ZNF521: variants seen among roughly 807,000 people sequenced by gnomAD.
ZNF521 encodes LYST-interacting protein 3.
A neutral mutation model predicts 105.5 loss-of-function variants in ZNF521; 14 were observed. The ratio of observed to expected loss-of-function variants is 0.13; its 90% CI spans 0.09 to 0.21. ZNF521 has a LOEUF of 0.21. Ranked by LOEUF, ZNF521 falls within the 10% of genes least tolerant of loss-of-function variation. The probability of loss-of-function intolerance (pLI) is 1.00; values close to 1 mark genes in which losing one functional copy is unlikely to be tolerated. For missense variants in ZNF521, 1,233 were observed against 1,629.7 expected (o/e 0.76, Z 4.19); for synonymous variants, 635 against 606.0 (o/e 1.05, Z -0.70).
At chr18:25,267,715 C>G (rs1180506757) in intron 3 of ZNF521, among the ~76,000 whole-genome samples, 1 of 152,132 alleles carries the variant, frequency 6.6e-6, no homozygotes, top group Non-Finnish European at 1.5e-5. Context: ...AACTAACAAA[C>G]AGAAAAGAAA....
At chr18:25,206,577 T>C (rs1425691072) in intron 4 of ZNF521, among the ~76,000 whole-genome samples, 1 of 152,200 alleles carries the variant, frequency 6.6e-6, no homozygotes, top group African/African-American at 2.4e-5. Context: ...CTAGATCATT[T>C]CATTTATCCA....
intron 4 of ZNF521, among the ~76,000 whole-genome samples, chr18:25,196,597 G>A (rs940826577): frequency 1.3e-5 from 2 of 151,626 alleles, no homozygotes; most frequent in Non-Finnish European, 3.0e-5. Flanking sequence ...TAAATCATCT[G>A]ACGGTCTTTG....
chr18:25,264,840 A>G (rs1409018340), intron 3 of ZNF521, among the ~76,000 whole-genome samples: 1 of 152,210 alleles, frequency 6.6e-6, no homozygotes, highest in Non-Finnish European at 1.5e-5. Context: ...AGAAACAGAA[A>G]AAGCTTCAGG....
chr18:25,077,815 G>C (rs2033398871), intron 7 of ZNF521, among the ~76,000 whole-genome samples: 2 of 152,154 alleles, frequency 1.3e-5, no homozygotes, highest in African/African-American at 4.8e-5. Flanking sequence ...AAAAAAAAGA[G>C]GAAGACAACG....
At chr18:25,345,351 G>A (rs991721999) in intron 2 of ZNF521, 1 of 152,112 alleles carries the variant, frequency 6.6e-6, no homozygotes, top group Non-Finnish European at 1.5e-5. Flanking sequence ...AAATACTCTG[G>A]CAAAACAAAA....
intron 3 of ZNF521, among the ~76,000 whole-genome samples, chr18:25,238,845 C>T (rs1021906442): frequency 2.0e-5 from 3 of 152,164 alleles, no homozygotes; most frequent in Admixed American, 6.5e-5. Context: ...CTCCACCCCA[C>T]GCCTCCTGAC....
intron 3 of ZNF521, among the ~76,000 whole-genome samples, chr18:25,305,992 T>C (rs954446157): frequency 1.3e-5 from 2 of 152,236 alleles, no homozygotes; most frequent in African/African-American, 4.8e-5. Context: ...AAATGTTCAA[T>C]TAAACATTTA....
chr18:25,202,963 C>T (rs777971430), intron 4 of ZNF521: 3 of 152,122 alleles, frequency 2.0e-5, no homozygotes, highest in Non-Finnish European at 2.9e-5. Flanking sequence ...TAAAAGGATG[C>T]TATTGTCTTA....
At chr18:25,065,688 G>C (rs2033040791) in intron 7 of ZNF521, among the ~76,000 whole-genome samples, 1 of 151,814 alleles carries the variant, frequency 6.6e-6, no homozygotes, top group Non-Finnish European at 1.5e-5. Flanking sequence ...AAGTGCTTAT[G>C]ATGGACACTC....
chr18:25,304,352 C>T (rs888726828), intron 3 of ZNF521, among the ~76,000 whole-genome samples: 11 of 152,184 alleles, frequency 7.2e-5, no homozygotes, highest in African/African-American at 2.7e-4. Context: ...AACAGTTGTT[C>T]ATAAACTCTA....
intron 3 of ZNF521, among the ~76,000 whole-genome samples, chr18:25,300,519 T>C (rs963544650): frequency 1.3e-5 from 2 of 152,198 alleles, no homozygotes; most frequent in Admixed American, 1.3e-4. Context: ...TCTTTCCATC[T>C]CTTATTATTA....
chr18:25,256,355 G>A (rs147408930), intron 3 of ZNF521, among the ~76,000 whole-genome samples: 6 of 152,124 alleles, frequency 3.9e-5, no homozygotes, highest in South Asian at 2.1e-4. Flanking sequence ...GTGAATGTAC[G>A]TAACACTTAA....
chr18:25,121,267 T>G (rs2034436972), intron 5 of ZNF521, among the ~76,000 whole-genome samples: 1 of 138,802 alleles, frequency 7.2e-6, no homozygotes, highest in South Asian at 2.4e-4. Context: ...CTTCTTCTTC[T>G]TCTTCCTTTT....
intron 5 of ZNF521, among the ~76,000 whole-genome samples, chr18:25,106,024 T>C (rs1202818846): frequency 1.3e-5 from 2 of 152,184 alleles, no homozygotes; most frequent in African/African-American, 4.8e-5. Flanking sequence ...TTTGTTGTTG[T>C]TGTTGTTGTT....
chr18:25,317,547 A>G (rs58248153), intron 3 of ZNF521, among the ~76,000 whole-genome samples: 1,605 of 152,308 alleles, frequency 0.011, 26 homozygotes, highest in African/African-American at 0.036. Context: ...TGCTAGATGA[A>G]TATACACTGT....
intron 3 of ZNF521, chr18:25,273,442 A>G (rs1798082603): frequency 6.6e-6 from 1 of 152,094 alleles, no homozygotes; most frequent in South Asian, 2.1e-4. Context: ...GGAAAACAAA[A>G]GACAAATATG....
At position 25,081,859 on chromosome 18, in the gene ZNF521, C is replaced by T. The variant is rs527445097; in HGVS notation, c.3906+7606G>A. Among the ~76,000 whole-genome samples the T allele has an allele frequency of 1.2e-3, 186 of 152,214 alleles. 1 individual carries two copies. The highest frequency in any genetic ancestry group is 4.3e-3 in the African/African-American group (180 of 41,522). ...CTGCATAGATGATGGGGGGTTGGAA[C>T]GGAGAGAGAATAACAAACTGAGGTT... is the stretch of plus-strand genomic sequence containing the variant. On this transcript the variant is annotated intron_variant, in intron 7 of 7. Coordinates refer to ENST00000361524, the MANE Select transcript of ZNF521 (RefSeq NM_015461.3).
At chr18:25,218,363 C>G (rs1318816151) in intron 4 of ZNF521, among the ~76,000 whole-genome samples, 2 of 150,388 alleles carry the variant, frequency 1.3e-5, no homozygotes, top group African/African-American at 2.4e-5. Context: ...GGAGTTGATT[C>G]AAGAAAAACA....
chr18:25,287,909 A>G (rs1308485638), intron 3 of ZNF521, among the ~76,000 whole-genome samples: 2 of 152,196 alleles, frequency 1.3e-5, no homozygotes, highest in Non-Finnish European at 2.9e-5. Flanking sequence ...TCTGTCTACA[A>G]TGGACTTTCA....
Sources: allele counts gnomAD v4.1 joint callset (sites outside exome capture counted in the v4.1 genomes callset), GRCh38; gene constraint gnomAD v4.1.1; transcripts MANE v1.5; gene names NCBI Gene and HGNC (gene_info 2026-07-23, HGNC 2026-07-21).